The following F13A1 variants were observed in gnomAD, a reference collection of about 807,000 sequenced individuals.
F13A1 encodes the protein coagulation factor XIII A chain.
Under a neutral mutation model 80.1 loss-of-function variants are expected in F13A1, and 47 were observed. That is an observed-to-expected ratio of 0.59 (90% confidence interval 0.46 to 0.75). The LOEUF (loss-of-function observed/expected upper bound fraction) is 0.75. Ranked by LOEUF, F13A1 falls within the 30% of genes least tolerant of loss-of-function variation. The pLI is 0.00. For missense variants in F13A1, 817 were observed against 930.4 expected, an observed-to-expected ratio of 0.88 and a Z score of 1.59; for synonymous variants, 349 against 344.9, an observed-to-expected ratio of 1.01 and a Z score of -0.13.
intron 8 of F13A1, among the ~76,000 whole-genome samples, chr6:6,201,436 C>T (rs947402302): frequency 1.5e-4 from 23 of 152,156 alleles, no homozygotes; most frequent in African/African-American, 5.6e-4. Context: ...GCTGGGCCTC[C>T]ATCAATGGGT....
intron 4 of F13A1, among the ~76,000 whole-genome samples, chr6:6,263,217 G>A (rs552539313): frequency 6.6e-5 from 10 of 152,234 alleles, no homozygotes; most frequent in Admixed American, 2.0e-4. Flanking sequence ...ATCTCCCGCC[G>A]TCTCTACTTT....
intron 3 of F13A1, among the ~76,000 whole-genome samples, chr6:6,294,104 T>C (rs1423330620): frequency 6.7e-6 from 1 of 149,590 alleles, no homozygotes; most frequent in Non-Finnish European, 1.5e-5. Context: ...CCCCCGAACC[T>C]AAAAAAAAAG....
At chr6:6,186,599 A>G (rs1368438713) in intron 10 of F13A1, among the ~76,000 whole-genome samples, 3 of 152,256 alleles carry the variant, frequency 2.0e-5, no homozygotes, top group African/African-American at 7.2e-5. Flanking sequence ...TTTTGGTACC[A>G]GTACCATGCT....
chr6:6,306,853 T>C (rs1758520038), intron 2 of F13A1, among the ~76,000 whole-genome samples: 1 of 152,188 alleles, frequency 6.6e-6, no homozygotes, highest in Admixed American at 6.5e-5. Flanking sequence ...CCTCCACACA[T>C]AAATCCTGTG....
At position 6,276,495 on chromosome 6, in the gene F13A1, C is replaced by T. The variant is rs181321337; in HGVS notation, c.320-9686G>A. On this transcript the variant is annotated intron_variant, in intron 3 of 14. Coordinates refer to ENST00000264870, the MANE Select transcript of F13A1 (RefSeq NM_000129.4). Reference sequence around the variant, plus strand: ...ACTCGCTTGTGTACCCAATTGCCTCCAGTAAGCTCCCACTGCTTACAAATC... The same window carrying T: ...ACTCGCTTGTGTACCCAATTGCCTCTAGTAAGCTCCCACTGCTTACAAATC... 7.4e-4 allele frequency among the ~76,000 whole-genome samples: 113 copies of T among 152,350 alleles called. 1 individual carries two copies. The highest frequency in any genetic ancestry group is 4.5e-3 in the Admixed American group (69 of 15,304).
chr6:6,220,639 T>C (rs1757179369), intron 8 of F13A1, among the ~76,000 whole-genome samples: 2 of 152,162 alleles, frequency 1.3e-5, no homozygotes, highest in African/African-American at 4.8e-5. Context: ...TATCTTTTTG[T>C]CATTTTTAAC....
At chr6:6,217,870 AG>A (rs1321346521) in intron 8 of F13A1, among the ~76,000 whole-genome samples, 4 of 152,172 alleles carry the variant, frequency 2.6e-5, no homozygotes, top group African/African-American at 9.7e-5. Context: ...GCTTTGAAAA[AG>A]GTTTGTTTAT....
chr6:6,197,733 A>G (rs1761316954), intron 8 of F13A1, among the ~76,000 whole-genome samples: 1 of 151,760 alleles, frequency 6.6e-6, no homozygotes, highest in South Asian at 2.1e-4. Context: ...AGATTATTAG[A>G]ATGGATTAAG....
chr6:6,220,442 T>TA (rs1757175527), intron 8 of F13A1, among the ~76,000 whole-genome samples: 1 of 152,144 alleles, frequency 6.6e-6, no homozygotes, highest in Non-Finnish European at 1.5e-5. Flanking sequence ...CCTGTGGGGT[T>TA]ATTTGTAGGA....
intron 2 of F13A1, chr6:6,305,791 G>T: frequency 2.0e-6 from 1 of 492,048 alleles, no homozygotes; most frequent in Non-Finnish European, 3.7e-6. Context: ...ACTCACTGTG[G>T]GATAGATGGA....
intron 13 of F13A1, among the ~76,000 whole-genome samples, chr6:6,163,656 C>A (rs114987593): frequency 3.9e-5 from 6 of 152,096 alleles, no homozygotes; most frequent in Non-Finnish European, 8.8e-5. Context: ...CGTGTTCCTG[C>A]GAAGGACATG....
intron 4 of F13A1, among the ~76,000 whole-genome samples, chr6:6,257,291 G>T (rs1757715717): frequency 6.6e-6 from 1 of 152,182 alleles, no homozygotes; most frequent in Non-Finnish European, 1.5e-5. Context: ...GGCATACCAG[G>T]AGTAACTTCC....
At chr6:6,265,089 C>T (rs912966645) in intron 4 of F13A1, among the ~76,000 whole-genome samples, 5 of 152,092 alleles carry the variant, frequency 3.3e-5, no homozygotes, top group Non-Finnish European at 4.4e-5. Context: ...AGTGACACCA[C>T]GTCTCTACAA....
intron 10 of F13A1, among the ~76,000 whole-genome samples, chr6:6,194,199 C>A (rs1761250051): frequency 6.6e-6 from 1 of 152,120 alleles, no homozygotes. Flanking sequence ...CTGTCAGCAC[C>A]TTGCCCAAGT....
chr6:6,301,184 C>T lies in F13A1; in HGVS notation c.319+4167G>A, dbSNP rs149723357. Among the ~76,000 whole-genome samples, 18 of 152,246 alleles carry T rather than the reference C, an allele frequency of 1.2e-4. No individual in the cohort carries two copies. The East Asian group carries it at 3.5e-3, about 29-fold the overall frequency. On this transcript the variant is annotated intron_variant, in intron 3 of 14. Transcript: ENST00000264870. ...GCACTGAATTTTAAGAGAATTATTT[C>T]CCCAGCAATGTTCTTTTTTCTTCCT...
Position 6,299,883 on chromosome 6 carries a change from T to G in F13A1, c.319+5468A>C, listed in dbSNP as rs1758393774. On this transcript the variant is annotated intron_variant, in intron 3 of 14. Coordinates refer to ENST00000264870, the MANE Select transcript of F13A1 (RefSeq NM_000129.4). ...TTTTTTCCCCATCTTTGTGGTTTTA[T>G]CTACTTTTGGTCTTTGATGATGGTG... 1.4e-5 allele frequency among the ~76,000 whole-genome samples: 2 copies of G among 147,898 alleles called. 1 individual carries two copies. Among genetic ancestry groups the G allele is most frequent in the African/African-American group, 5.3e-5 (2 of 37,716 alleles).
intron 13 of F13A1, among the ~76,000 whole-genome samples, chr6:6,158,919 C>T (rs1467742196): frequency 8.4e-5 from 3 of 35,792 alleles, no homozygotes; most frequent in East Asian, 5.8e-4. Context: ...TTTTTTTTTT[C>T]GAGACGGAGT....
At chr6:6,256,005 T>C (rs765958075) in intron 4 of F13A1, among the ~76,000 whole-genome samples, 55 of 152,044 alleles carry the variant, frequency 3.6e-4, no homozygotes, top group Admixed American at 4.6e-4. Flanking sequence ...AATAGAAAAA[T>C]GTAATCATTT....
intron 4 of F13A1, among the ~76,000 whole-genome samples, chr6:6,259,317 C>A (rs1757746757): frequency 1.3e-5 from 2 of 152,030 alleles, no homozygotes; most frequent in Admixed American, 1.3e-4. Context: ...ATGAAAGGGG[C>A]TAAAAAGACC....
Sources: gnomAD v4.1 joint callset for allele counts (sites outside exome capture counted in the v4.1 genomes callset) on GRCh38, gnomAD v4.1.1 for gene constraint, MANE v1.5 for transcripts, NCBI Gene and HGNC (gene_info 2026-07-23, HGNC 2026-07-21) for gene names.